RGS6: variants seen among roughly 807,000 people sequenced by gnomAD.
The protein encoded by RGS6 is regulator of G protein signaling 6, also known as regulator of G-protein signaling 6.
In RGS6, 30 loss-of-function variants were observed where a neutral mutation model predicts 78.5. The observed-to-expected ratio is 0.38, with a 90% CI of 0.29 to 0.52. The LOEUF (loss-of-function observed/expected upper bound fraction) is 0.52, where lower values mean the gene tolerates loss of function less well. Among genes scored for constraint, RGS6 ranks in the 20% least tolerant of loss-of-function variants. The pLI is 0.85. For synonymous variants in RGS6, 206 were observed against 206.0 expected, an observed-to-expected ratio of 1.00 and a Z score of 0.00; for missense variants, 495 against 609.7, an observed-to-expected ratio of 0.81 and a Z score of 1.98.
chr14:72,529,179 C>T (rs1261748479), intron 15 of RGS6, among the ~76,000 whole-genome samples: 1 of 152,156 alleles, frequency 6.6e-6, no homozygotes, highest in Non-Finnish European at 1.5e-5. Context: ...GTCACAGATC[C>T]CTAGGCTGTG....
At chr14:72,445,928 G>A (rs1048398940) in intron 3 of RGS6, among the ~76,000 whole-genome samples, 7 of 152,078 alleles carry the variant, frequency 4.6e-5, no homozygotes, top group Non-Finnish European at 8.8e-5. Flanking sequence ...AGATAATTAG[G>A]GTGGGCCCTA....
chr14:72,313,980 T>G (rs935637243), intron 2 of RGS6, among the ~76,000 whole-genome samples: 1 of 152,234 alleles, frequency 6.6e-6, no homozygotes, highest in African/African-American at 2.4e-5. Context: ...TGCCCTTATG[T>G]CCCTTGTCTC....
intron 2 of RGS6, among the ~76,000 whole-genome samples, chr14:72,315,187 A>G (rs1026875899): frequency 1.3e-5 from 2 of 152,238 alleles, no homozygotes; most frequent in Admixed American, 6.5e-5. Flanking sequence ...CCAAGAAGGA[A>G]TTTCTCCACT....
At chr14:72,371,257 T>C (rs987724420) in intron 3 of RGS6, among the ~76,000 whole-genome samples, 2 of 152,234 alleles carry the variant, frequency 1.3e-5, no homozygotes, top group African/African-American at 4.8e-5. Context: ...GGCATATCTC[T>C]GATGCTCCTG....
At chr14:72,542,657 T>C (rs1008830994) in intron 17 of RGS6, among the ~76,000 whole-genome samples, 5 of 152,204 alleles carry the variant, frequency 3.3e-5, no homozygotes, top group South Asian at 2.1e-4. Context: ...GATTAATTGA[T>C]GGCAAAAAGA....
chr14:71,887,965 T>G, the RGS6 span, among the ~76,000 whole-genome samples: 1 of 152,220 alleles, frequency 6.6e-6, no homozygotes, highest in Non-Finnish European at 1.5e-5. Flanking sequence ...TAATAAAAAC[T>G]TGCTGGTCTG....
At chr14:72,349,518 G>A (rs150988699) in intron 2 of RGS6, among the ~76,000 whole-genome samples, 222 of 152,332 alleles carry the variant, frequency 1.5e-3, no homozygotes, top group African/African-American at 4.2e-3. Context: ...CCATGGGGGA[G>A]TCAGGAACTG....
At chr14:72,476,986 T>C in intron 11 of RGS6, 146 bp downstream of exon 11, 2 of 663,978 alleles carry the variant, frequency 3.0e-6, no homozygotes. Context: ...ACCTTTTAAG[T>C]GCTGTGTGTG....
chr14:72,182,711 C>A (rs2097190392), intron 2 of RGS6, among the ~76,000 whole-genome samples: 1 of 152,158 alleles, frequency 6.6e-6, no homozygotes, highest in African/African-American at 2.4e-5. Context: ...CAGAGAAGTG[C>A]TCCCACTATT....
At chr14:71,875,494 C>T in the RGS6 span, among the ~76,000 whole-genome samples, 6 of 152,086 alleles carry the variant, frequency 3.9e-5, no homozygotes, top group South Asian at 1.2e-3. Context: ...GATGATATCC[C>T]CTTTATCATT....
intron 2 of RGS6, among the ~76,000 whole-genome samples, chr14:72,187,911 A>C (rs1479384205): frequency 6.6e-6 from 1 of 152,180 alleles, no homozygotes; most frequent in Non-Finnish European, 1.5e-5. Flanking sequence ...GTTGTTCCCC[A>C]TGCATGTTTC....
At chr14:72,098,387 T>A (rs933405313) in intron 2 of RGS6, among the ~76,000 whole-genome samples, 1 of 152,366 alleles carries the variant, frequency 6.6e-6, no homozygotes, top group East Asian at 1.9e-4. Context: ...ATGTGGCAGG[T>A]GCCACTATTG....
chr14:72,428,086 G>A (rs1235157670), intron 3 of RGS6, among the ~76,000 whole-genome samples: 1 of 152,188 alleles, frequency 6.6e-6, no homozygotes, highest in Non-Finnish European at 1.5e-5. Flanking sequence ...AAGGCTAGAT[G>A]GGGACTTATC....
At chr14:72,346,461 C>T (rs1023610565) in intron 2 of RGS6, among the ~76,000 whole-genome samples, 3 of 152,190 alleles carry the variant, frequency 2.0e-5, no homozygotes, top group African/African-American at 7.2e-5. Flanking sequence ...ACATCAGAAA[C>T]TCCCCAGTTT....
chr14:72,318,405 TGGCCACACCC>T (rs376209200), intron 2 of RGS6, among the ~76,000 whole-genome samples: 24,737 of 152,050 alleles, frequency 0.16, 1,984 homozygotes, highest in African/African-American at 0.2. Context: ...TAATCTCCTT[TGGCCACACCC>T]TCACAGACAC....
chr14:72,018,191 C>CCTGT (rs2087506025), intron 2 of RGS6, among the ~76,000 whole-genome samples: 17 of 32,110 alleles, frequency 5.3e-4, no homozygotes, highest in Admixed American at 4.8e-3. Flanking sequence ...GAAGTCTTTT[C>CCTGT]TTGTTTGTTT....
At chr14:72,132,808 A>G (rs1473618752) in intron 2 of RGS6, among the ~76,000 whole-genome samples, 2 of 149,706 alleles carry the variant, frequency 1.3e-5, no homozygotes, top group Non-Finnish European at 3.0e-5. Flanking sequence ...TCTGTCAGAC[A>G]TGGCCTGCAC....
At chr14:72,429,997 T>C (rs545823362) in intron 3 of RGS6, among the ~76,000 whole-genome samples, 1 of 152,332 alleles carries the variant, frequency 6.6e-6, no homozygotes, top group African/African-American at 2.4e-5. Context: ...TCTGCCACGA[T>C]TGTAAGTTTC....
intron 17 of RGS6, chr14:72,550,481 C>A: frequency 1.3e-6 from 2 of 1,535,664 alleles, no homozygotes; most frequent in Non-Finnish European, 1.7e-6. Flanking sequence ...AAGCAAGGAC[C>A]GAAAGCCTGG....
Sources: gnomAD v4.1 joint callset for allele counts (sites outside exome capture counted in the v4.1 genomes callset) on GRCh38, gnomAD v4.1.1 for gene constraint, MANE v1.5 for transcripts, NCBI Gene and HGNC (gene_info 2026-07-23, HGNC 2026-07-21) for gene names.